The following TTC6 variants were observed in gnomAD, a reference collection of about 807,000 sequenced individuals.
The protein encoded by TTC6 is tetratricopeptide repeat protein 6.
A neutral mutation model predicts 210.4 loss-of-function variants in TTC6; 172 were observed. The observed-to-expected ratio is 0.82, with a 90% CI of 0.72 to 0.93. The LOEUF (loss-of-function observed/expected upper bound fraction) is 0.93. Ranked by LOEUF, TTC6 falls within the 40% of genes least tolerant of loss-of-function variation. TTC6 has a pLI of 0.00. For missense variants in TTC6, 2,414 were observed against 2,318.1 expected (o/e 1.04, Z -0.85); for synonymous variants, 804 against 819.6 (o/e 0.98, Z 0.32).
rs1021625534 is a variant in TTC6, at chr14:37,841,796, A to C, written c.5524+126A>C. ...CTTACATAAGAATTAGTGTTTTTAGATATCATGTCCTTAATATAATCGATA... is the reference window on the plus strand; with the variant it reads ...CTTACATAAGAATTAGTGTTTTTAGCTATCATGTCCTTAATATAATCGATA... On this transcript the variant is annotated intron_variant, in intron 30 of 30. Coordinates refer to ENST00000553443, the Ensembl canonical transcript of TTC6. The C allele has an allele frequency of 7.4e-6, 6 of 809,584 alleles. No individual in the cohort carries two copies. In the African/African-American group the frequency reaches 1.1e-4, roughly 14 times the overall value. The allele number at this position is 809,584 out of a possible 1,614,324, so 50.2% of individuals were successfully genotyped here.
intron 2 of TTC6, among the ~76,000 whole-genome samples, chr14:37,609,052 G>T (rs2095630033): frequency 6.6e-6 from 1 of 152,090 alleles, no homozygotes; most frequent in Non-Finnish European, 1.5e-5. Context: ...CAACAAGTTT[G>T]AAATACCTTT....
intron 14 of TTC6, among the ~76,000 whole-genome samples, chr14:37,768,896 G>A (rs1362633510): frequency 2.7e-5 from 4 of 150,398 alleles, no homozygotes; most frequent in Non-Finnish European, 4.5e-5. Context: ...CAAAGGGAAT[G>A]CTTCCAGTTT....
intron 1 of TTC6, among the ~76,000 whole-genome samples, chr14:37,651,402 TATATATATATATATATATATA>T (rs2095711174): frequency 5.9e-5 from 1 of 17,090 alleles, no homozygotes; most frequent in Non-Finnish European, 1.2e-4. Context: ...TATATATATA[TATATATATATATATATATATA>T]TATTTTTTTT....
intron 2 of TTC6, among the ~76,000 whole-genome samples, chr14:37,615,949 C>T (rs899630777): frequency 5.3e-5 from 8 of 152,206 alleles, no homozygotes; most frequent in Non-Finnish European, 7.3e-5. Context: ...TATTTTTGGA[C>T]TATATCCTGG....
At chr14:37,631,624 T>C (rs551668788) in intron 1 of TTC6, among the ~76,000 whole-genome samples, 46 of 152,304 alleles carry the variant, frequency 3.0e-4, no homozygotes, top group African/African-American at 9.9e-4. Flanking sequence ...GTCTTTGTGT[T>C]GTTCTCTGTA....
At chr14:37,743,761 A>C (rs2095928023) in intron 10 of TTC6, among the ~76,000 whole-genome samples, 1 of 152,154 alleles carries the variant, frequency 6.6e-6, no homozygotes, top group Non-Finnish European at 1.5e-5. Flanking sequence ...TGTTATCTGG[A>C]ACTTCCTCCT....
chr14:37,766,750 T>C (rs574771025), intron 14 of TTC6, among the ~76,000 whole-genome samples: 3 of 152,210 alleles, frequency 2.0e-5, no homozygotes, highest in Admixed American at 6.5e-5. Flanking sequence ...CTGGGTTGAA[T>C]GGTAATTCTG....
chr14:37,724,854 C>A, intron 6 of TTC6, 44 bp from the exon 9 acceptor site: 2 of 1,153,870 alleles, frequency 1.7e-6, no homozygotes, highest in Non-Finnish European at 1.2e-6. Context: ...ACTCTCAAGG[C>A]CATTTCTTAC....
At chr14:37,827,442 T>G in intron 29 of TTC6, 76 bp downstream of exon 31, 1 of 1,395,678 alleles carries the variant, frequency 7.2e-7, no homozygotes, top group South Asian at 1.4e-5. Context: ...CAAAGTATAA[T>G]TCATACAATC....
Position 37,787,463 on chromosome 14 carries a change from C to A in TTC6, c.3267-5C>A. On this transcript the variant is annotated splice_region_variant and splice_polypyrimidine_tract_variant and intron_variant, in intron 14 of 30. Coordinates refer to ENST00000553443, the Ensembl canonical transcript of TTC6. ...TACTTGTTAAAACAAACTTTTTTTT[C>A]CTAGGACATACCGAGGGATTGCATA... 1 of 1,500,850 alleles carries A rather than the reference C, an allele frequency of 6.7e-7. No homozygotes were observed. Among genetic ancestry groups the A allele is most frequent in the Non-Finnish European group, 8.9e-7 (1 of 1,127,312 alleles). The allele number at this position is 1,500,850 out of a possible 1,614,324, so 93.0% of individuals were successfully genotyped here.
chr14:37,691,409 A>C (rs567201152), intron 3 of TTC6, among the ~76,000 whole-genome samples: 13 of 152,328 alleles, frequency 8.5e-5, no homozygotes, highest in Admixed American at 2.6e-4. Context: ...TGGAAACTAT[A>C]CACATTGAAA....
exon 30 of TTC6, chr14:37,841,563 C>T: frequency 6.2e-7 from 1 of 1,607,376 alleles, no homozygotes; most frequent in Non-Finnish European, 8.5e-7. Context: ...GAAGATTTTG[C>T]AAATGTAATT....
At chr14:37,826,221 G>C in exon 28 of TTC6, 1 of 1,601,890 alleles carries the variant, frequency 6.2e-7, no homozygotes, top group Non-Finnish European at 8.5e-7. Context: ...AGAAAGCTTG[G>C]AACCACTTTA....
intron 1 of TTC6, among the ~76,000 whole-genome samples, chr14:37,627,847 C>G (rs1365426183): frequency 6.6e-6 from 1 of 152,178 alleles, no homozygotes; most frequent in Non-Finnish European, 1.5e-5. Context: ...ATTTCTGGTT[C>G]TAGATCCTTG....
intron 1 of TTC6, among the ~76,000 whole-genome samples, chr14:37,599,299 G>C (rs2095610726): frequency 6.6e-6 from 1 of 152,152 alleles, no homozygotes; most frequent in South Asian, 2.1e-4. Flanking sequence ...AAATCTTTAA[G>C]GGATTAATTC....
chr14:37,746,366 T>C (rs1003736461), intron 10 of TTC6, among the ~76,000 whole-genome samples: 2 of 152,336 alleles, frequency 1.3e-5, no homozygotes, highest in South Asian at 4.1e-4. Context: ...TCCTATTTCC[T>C]GAACCTTAGA....
At chr14:37,723,350 C>T (rs1391440309) in intron 6 of TTC6, among the ~76,000 whole-genome samples, 1 of 152,108 alleles carries the variant, frequency 6.6e-6, no homozygotes, top group African/African-American at 2.4e-5. Flanking sequence ...TAGGTCTTGT[C>T]AGCTGTCAAA....
intron 29 of TTC6, among the ~76,000 whole-genome samples, chr14:37,840,211 C>T (rs1005203323): frequency 6.6e-6 from 1 of 152,170 alleles, no homozygotes; most frequent in Non-Finnish European, 1.5e-5. Flanking sequence ...ACTATAAACA[C>T]CTCTATGCAA....
chr14:37,657,973 A>T (rs935976395), intron 1 of TTC6, among the ~76,000 whole-genome samples: 1 of 152,112 alleles, frequency 6.6e-6, no homozygotes, highest in African/African-American at 2.4e-5. Flanking sequence ...CTTTTTTATT[A>T]TTTGTCATTT....
Sources: allele counts gnomAD v4.1 joint callset (sites outside exome capture counted in the v4.1 genomes callset), GRCh38; gene constraint gnomAD v4.1.1; transcripts MANE v1.5; gene names NCBI Gene and HGNC (gene_info 2026-07-23, HGNC 2026-07-21).